SLC7A5: variants seen among roughly 807,000 people sequenced by gnomAD.
SLC7A5 encodes the protein solute carrier family 7 member 5.
In SLC7A5, 23 loss-of-function variants were observed where a neutral mutation model predicts 50.2. The ratio of observed to expected loss-of-function variants is 0.46; its 90% CI spans 0.33 to 0.65. The LOEUF is 0.65. Among genes scored for constraint, SLC7A5 ranks in the 30% least tolerant of loss-of-function variants. The probability of loss-of-function intolerance (pLI) is 0.02; values close to 1 mark genes in which losing one functional copy is unlikely to be tolerated. For synonymous variants in SLC7A5, 393 were observed against 330.6 expected, an observed-to-expected ratio of 1.19 and a Z score of -2.05; for missense variants, 578 against 684.4, an observed-to-expected ratio of 0.84 and a Z score of 1.73.
rs2055030278 is a variant in SLC7A5 at position 87,837,892 on chromosome 16, T to C, written c.1093A>G (p.Met365Val). ...GGGGTGAGGAGCTGTGGGTGGATCA[T>C]GGAGAGGATGGAGGGCAGGTGGCCT... ...REGHLPSILS[M>V]IHPQLLTPVP... Residue 365 changes from methionine to valine, a missense_variant, in exon 7 of 10, where the codon ATG (methionine) becomes GTG (valine). Physicochemically the swap from Met to Val is conservative, Grantham distance 21 (BLOSUM62 1). Coordinates refer to ENST00000261622, the MANE Select transcript of SLC7A5 (RefSeq NM_003486.7). 2 of 1,608,208 alleles carry C rather than the reference T, an allele frequency of 1.2e-6. No individual in the cohort carries two copies. The highest frequency in any genetic ancestry group is 1.3e-5 in the African/African-American group (1 of 74,878).
chr16:87,843,988 G>A (rs952687115), intron 2 of SLC7A5, among the ~76,000 whole-genome samples: 7 of 150,986 alleles, frequency 4.6e-5, no homozygotes, highest in African/African-American at 1.7e-4. Context: ...ATGGCTGAGC[G>A]GCCCACTCAT....
chr16:87,863,237 G>A (rs1597518731), intron 1 of SLC7A5, among the ~76,000 whole-genome samples: 1 of 152,274 alleles, frequency 6.6e-6, no homozygotes, highest in East Asian at 1.9e-4. Flanking sequence ...CCTGGAGGTG[G>A]AAGCCCCTGA....
At position 87,851,824 on chromosome 16, in the gene SLC7A5, G is replaced by T. The variant is rs745746214; in HGVS notation, c.564C>A (p.Tyr188Ter). 1 of 1,613,130 alleles carries T rather than the reference G, an allele frequency of 6.2e-7. No individual in the cohort carries two copies. Among genetic ancestry groups the T allele is most frequent in the Non-Finnish European group, 8.5e-7 (1 of 1,179,966 alleles). The stretch of plus-strand genomic sequence containing the variant: ...GGACCCGGGTGGCGGCCTTCACGCT[G>T]TAGCAGTTCACGGCCGTGAGCAGCA... ...CVLLLTAVNC[Y>*]SVKAATRVQD... is the part of the protein sequence containing the mutation. The change falls in exon 2 of 10, where the codon TAC becomes TAA. Residue 188 changes from tyrosine (Y) to a stop codon, truncating the protein, a stop_gained. Coordinates refer to ENST00000261622, the MANE Select transcript of SLC7A5 (RefSeq NM_003486.7). LOFTEE classifies it high-confidence loss of function.
chr16:87,831,991 A>C lies in SLC7A5; in HGVS notation c.*979T>G, dbSNP rs1266706888. 6.5e-6 allele frequency: 1 copy of C among 152,842 alleles called. No individual in the cohort carries two copies. The allele number at this position is 152,842 out of a possible 1,614,324, so 9.5% of individuals were successfully genotyped here. A position where few individuals can be genotyped will look rare whatever the true frequency, so the allele number is the denominator to read the frequency against. On this transcript the variant is annotated 3_prime_UTR_variant, in exon 10 of 10. Coordinates refer to ENST00000261622, the MANE Select transcript of SLC7A5 (RefSeq NM_003486.7). ...CGGGAGTGGGAACCCAGCACCGGCC[A>C]GAAGGGGCTGCCGGGCGGTACAGAG...
rs554806429 is a variant in SLC7A5 at position 87,848,796 on chromosome 16, G to T, written c.664+2928C>A. Among the ~76,000 whole-genome samples, 37 of 152,366 alleles carry T rather than the reference G, an allele frequency of 2.4e-4. 1 individual carries two copies. In the South Asian group the frequency reaches 7.5e-3, roughly 31 times the overall value. ...CTCTCAGGTCCCCCCATGAGCTCTGGATGCGGGGCCATGTTCTCATTGGGA... is the reference window on the plus strand; with the variant it reads ...CTCTCAGGTCCCCCCATGAGCTCTGTATGCGGGGCCATGTTCTCATTGGGA... On this transcript the variant is annotated intron_variant, in intron 2 of 9. Transcript: ENST00000261622.
chr16:87,863,047 T>C (rs1409652539), intron 1 of SLC7A5, among the ~76,000 whole-genome samples: 1 of 152,182 alleles, frequency 6.6e-6, no homozygotes, highest in Non-Finnish European at 1.5e-5. Flanking sequence ...CAGCCCCCCA[T>C]GCTTCACCCA....
intron 2 of SLC7A5, among the ~76,000 whole-genome samples, chr16:87,847,521 G>T (rs1268469072): frequency 6.6e-6 from 1 of 152,214 alleles, no homozygotes; most frequent in Non-Finnish European, 1.5e-5. Flanking sequence ...GAAAAGGAAT[G>T]TCCTCCAGAC....
Position 87,847,267 on chromosome 16 carries a change from A to G in SLC7A5, c.664+4457T>C, listed in dbSNP as rs192121937. On this transcript the variant is annotated intron_variant, in intron 2 of 9. Coordinates refer to ENST00000261622, the MANE Select transcript of SLC7A5 (RefSeq NM_003486.7). ...TGGGTGAAACGTTTTTCTCACCAGAACAGCCCAGCAGCTGGGCATGTGCTG... is the reference window on the plus strand; with the variant it reads ...TGGGTGAAACGTTTTTCTCACCAGAGCAGCCCAGCAGCTGGGCATGTGCTG... Among the ~76,000 whole-genome samples the G allele has an allele frequency of 2.3e-3, 356 of 152,344 alleles. 1 individual carries two copies. The highest frequency in any genetic ancestry group is 3.7e-3 in the Non-Finnish European group (253 of 68,012).
At chr16:87,851,901 C>T (rs1236971302) in intron 1 of SLC7A5, 52 bp from the exon 2 acceptor site, 5 of 1,610,500 alleles carry the variant, frequency 3.1e-6, no homozygotes, top group Non-Finnish European at 4.2e-6. Flanking sequence ...GACGCCAGCT[C>T]AGGGGTAGGC....
Position 87,831,387 on chromosome 16 carries a change from T to G in SLC7A5, c.*1583A>C, listed in dbSNP as rs2143688742. On this transcript the variant is annotated 3_prime_UTR_variant, in exon 10 of 10. Coordinates refer to ENST00000261622, the MANE Select transcript of SLC7A5 (RefSeq NM_003486.7). ...GTTCATCAGGTTTCTCCGGGCCCAC[T>G]GGATGGTGAGGGGGTCCCGGTGCCC... 1 of 152,346 alleles carries G rather than the reference T, an allele frequency of 6.6e-6. No homozygotes were observed. The highest frequency in any genetic ancestry group is 2.1e-4 in the South Asian group (1 of 4,828). 9.4% of individuals were successfully genotyped at this position (152,346 alleles called of 1,614,324 possible).
chr16:87,859,387 G>A (rs141283018), intron 1 of SLC7A5, among the ~76,000 whole-genome samples: 1,778 of 152,330 alleles, frequency 0.012, 27 homozygotes, highest in Middle Eastern at 0.11. Context: ...CCAGCAGCTC[G>A]AGAGCACAGG....
At position 87,839,710 on chromosome 16, in the gene SLC7A5, C is replaced by T. The variant is rs1334751026; in HGVS notation, c.931G>A (p.Val311Met). The change falls in exon 5 of 10, where the codon GTG (valine) becomes ATG (methionine). Residue 311 changes from valine to methionine, a missense_variant. Around this residue, in one of 2 missense-constraint regions of SLC7A5, gnomAD observed 465 missense variants for 594.6 expected, o/e 0.78. Coordinates refer to ENST00000261622, the MANE Select transcript of SLC7A5 (RefSeq NM_003486.7). ...STEQMLSSEA[V>M]AVDFGNYHLG... ...GGCGGGTAGCGGCTCACCACGGCCA[C>T]GGCCTCGGACGACAGCATCTGCTCG... 5 of 1,613,218 alleles carry T rather than the reference C, an allele frequency of 3.1e-6. No homozygotes were observed. Among genetic ancestry groups the T allele is most frequent in the South Asian group, 1.1e-5 (1 of 91,082 alleles).
chr16:87,867,020 A>G (rs12711481), intron 1 of SLC7A5, among the ~76,000 whole-genome samples: 137,118 of 151,728 alleles, frequency 0.9, 62,156 homozygotes, highest in East Asian at 1. Flanking sequence ...CAACCTCCAC[A>G]TCCCGGAGCA....
In SLC7A5 at chr16:87,853,289, G is replaced by A. The variant is rs1055527887; in HGVS notation, c.539-1440C>T. On this transcript the variant is annotated intron_variant, in intron 1 of 9. Coordinates refer to ENST00000261622, the MANE Select transcript of SLC7A5 (RefSeq NM_003486.7). The surrounding 1 kb of genome is among the most constrained non-coding windows in gnomAD (Gnocchi z 4.4). ...CCGGAAACGTCCTGAGGTGCGGGAC[G>A]GGCTGCCGCCTGCCTATCTCTCAGA... Among the ~76,000 whole-genome samples the A allele has an allele frequency of 2.6e-5, 4 of 152,190 alleles. No homozygotes were observed. Among genetic ancestry groups the A allele is most frequent in the African/African-American group, 7.2e-5 (3 of 41,440 alleles).
In SLC7A5 at chr16:87,847,286, T is replaced by C. The variant is rs145891338; in HGVS notation, c.664+4438A>G. On this transcript the variant is annotated intron_variant, in intron 2 of 9. Coordinates refer to ENST00000261622, the MANE Select transcript of SLC7A5 (RefSeq NM_003486.7). ...ACCAGAACAGCCCAGCAGCTGGGCATGTGCTGTGACCACTGAGGGGGCCTT... is the reference window on the plus strand; with the variant it reads ...ACCAGAACAGCCCAGCAGCTGGGCACGTGCTGTGACCACTGAGGGGGCCTT... Among the ~76,000 whole-genome samples, 908 of 152,288 alleles carry C rather than the reference T, an allele frequency of 6.0e-3. 5 individuals are homozygous for C. Among genetic ancestry groups the C allele is most frequent in the African/African-American group, 0.021 (877 of 41,554 alleles).
chr16:87,848,020 G>T (rs575330342), intron 2 of SLC7A5, among the ~76,000 whole-genome samples: 12 of 152,148 alleles, frequency 7.9e-5, no homozygotes, highest in South Asian at 4.1e-4. Flanking sequence ...ATTCAGCCGG[G>T]GTCTGAGCCC....
chr16:87,843,505 AC>A (rs1244258849), intron 2 of SLC7A5, among the ~76,000 whole-genome samples: 4 of 151,154 alleles, frequency 2.6e-5, no homozygotes, highest in Admixed American at 2.6e-4. Flanking sequence ...TGCAGGAGGG[AC>A]CTGCTTGCAG....
chr16:87,865,315 G>T (rs1415626763), intron 1 of SLC7A5, among the ~76,000 whole-genome samples: 1 of 152,208 alleles, frequency 6.6e-6, no homozygotes, highest in Non-Finnish European at 1.5e-5. Context: ...TCGCTGAAAG[G>T]GACCCTATTA....
At position 87,869,176 on chromosome 16, in the gene SLC7A5, C is replaced by G. The variant is rs762825728; in HGVS notation, c.247G>C (p.Gly83Arg). 1 of 1,612,194 alleles carries G rather than the reference C, an allele frequency of 6.2e-7. No individual in the cohort carries two copies. Among genetic ancestry groups the G allele is most frequent in the African/African-American group, 1.3e-5 (1 of 74,920 alleles). Residue 83 changes from glycine (G) to arginine (R), a missense_variant, in exon 1 of 10, where the codon GGG becomes CGG. Physicochemically the swap from Gly to Arg is moderately radical, Grantham distance 125. Transcript: ENST00000261622. ...GCGGCCCACACCACCAGCGCCAGCC[C>G]CGGCGAGCCTGCCTCCTTGAGCACG... Reference protein sequence around the residue: ...TGVLKEAGSPGLALVVWAACG... With the variant: ...TGVLKEAGSPRLALVVWAACG...
Sources: gnomAD v4.1 joint callset for allele counts (sites outside exome capture counted in the v4.1 genomes callset) on GRCh38, gnomAD v4.1.1 for gene constraint, gnomAD v4.1.1 regional missense constraint, Gnocchi (gnomAD v3.1) non-coding constraint, MANE v1.5 for transcripts, NCBI Gene and HGNC (gene_info 2026-07-23, HGNC 2026-07-21) for gene names.